Variants in ZNF395 observed in about 807,000 individuals in gnomAD.
The protein encoded by ZNF395 is zinc finger protein 395.
A neutral mutation model predicts 57.7 loss-of-function variants in ZNF395; 20 were observed. The observed-to-expected ratio is 0.35, with a 90% CI of 0.24 to 0.50. The LOEUF (loss-of-function observed/expected upper bound fraction) is 0.50, where lower values mean the gene tolerates loss of function less well. Among genes scored for constraint, ZNF395 ranks in the 20% least tolerant of loss-of-function variants. The probability of loss-of-function intolerance (pLI) is 0.97; values close to 1 mark genes in which losing one functional copy is unlikely to be tolerated. For synonymous variants in ZNF395, 295 were observed against 275.9 expected, an observed-to-expected ratio of 1.07 and a Z score of -0.69; for missense variants, 606 against 671.2, an observed-to-expected ratio of 0.90 and a Z score of 1.07.
At chr8:28,368,754 T>A (rs1478193486) in intron 1 of ZNF395, among the ~76,000 whole-genome samples, 2 of 150,692 alleles carry the variant, frequency 1.3e-5, no homozygotes, top group African/African-American at 4.9e-5. Context: ...CAGGTGCCAA[T>A]CCCAAGAGGA....
intron 2 of ZNF395, among the ~76,000 whole-genome samples, chr8:28,360,056 A>G (rs1437394557): frequency 3.3e-5 from 5 of 152,222 alleles, no homozygotes; most frequent in Non-Finnish European, 7.4e-5. Context: ...ACTGGCAGAC[A>G]GCAAACATGT....
chr8:28,359,587 C>G lies in ZNF395; in HGVS notation c.473+5G>C. Reference sequence around the variant, plus strand: ...TTAAAACCCAGTTTCTTCTCCCACACAAACCTCTTTGGGACATCGATGTTC... The same window carrying G: ...TTAAAACCCAGTTTCTTCTCCCACAGAAACCTCTTTGGGACATCGATGTTC... On this transcript the variant is annotated splice_donor_5th_base_variant and intron_variant, in intron 3 of 9. Coordinates refer to ENST00000344423, the MANE Select transcript of ZNF395 (RefSeq NM_018660.3). This position sits in a 1 kb window ranked among gnomAD's most constrained non-coding sequence, Gnocchi z 4.7. 6.3e-7 allele frequency: 1 copy of G among 1,583,544 alleles called. No homozygotes were observed. The highest frequency in any genetic ancestry group is 8.6e-7 in the Non-Finnish European group (1 of 1,161,596).
At chr8:28,350,581 G>T (rs1428602219) in intron 7 of ZNF395, among the ~76,000 whole-genome samples, 1 of 152,198 alleles carries the variant, frequency 6.6e-6, no homozygotes, top group Non-Finnish European at 1.5e-5. Context: ...GTGCTCATGG[G>T]TATCCAGGTT....
At position 28,361,154 on chromosome 8, in the gene ZNF395, A is replaced by G. The variant is rs1179884218; in HGVS notation, c.-30T>C. 6.2e-7 allele frequency: 1 copy of G among 1,608,816 alleles called. No individual in the cohort carries two copies. Among genetic ancestry groups the G allele is most frequent in the Non-Finnish European group, 8.5e-7 (1 of 1,179,996 alleles). On this transcript the variant is annotated 5_prime_UTR_variant, in exon 2 of 10. Coordinates refer to ENST00000344423, the MANE Select transcript of ZNF395 (RefSeq NM_018660.3). The stretch of plus-strand genomic sequence containing the variant: ...CTGCCTCTCCTCTCCTGCGGAGGCG[A>G]AGGGGACACTGAAGCCTCTGCCCAT...
rs761183099 is a variant in ZNF395 at position 28,359,569 on chromosome 8, C to T, written c.473+23G>A. Reference sequence around the variant, plus strand: ...ACACTACCCACGTGACTTTTAAAACCCAGTTTCTTCTCCCACACAAACCTC... The same window carrying T: ...ACACTACCCACGTGACTTTTAAAACTCAGTTTCTTCTCCCACACAAACCTC... On this transcript the variant is annotated intron_variant, in intron 3 of 9. Transcript: ENST00000344423. The surrounding 1 kb of genome is among the most constrained non-coding windows in gnomAD (Gnocchi z 4.7). 1.3e-6 allele frequency: 2 copies of T among 1,561,220 alleles called. No homozygotes were observed. Among genetic ancestry groups the T allele is most frequent in the Non-Finnish European group, 1.7e-6 (2 of 1,150,818 alleles).
chr8:28,384,470 C>T (rs1802146563), intron 1 of ZNF395, among the ~76,000 whole-genome samples: 1 of 152,216 alleles, frequency 6.6e-6, no homozygotes, highest in South Asian at 2.1e-4. Flanking sequence ...TTCTGCACCT[C>T]GCACTTTGAC....
At chr8:28,368,872 G>C (rs1294862876) in intron 1 of ZNF395, among the ~76,000 whole-genome samples, 3 of 151,904 alleles carry the variant, frequency 2.0e-5, no homozygotes, top group African/African-American at 7.3e-5. Context: ...GTCTCGCTCT[G>C]TCGACCAGGT....
chr8:28,385,039 G>A (rs1293998605), intron 1 of ZNF395: 1 of 152,296 alleles, frequency 6.6e-6, no homozygotes, highest in Non-Finnish European at 1.5e-5. Flanking sequence ...AACGCCTAGG[G>A]AGGGTGTCAA....
Position 28,360,998 on chromosome 8 carries a change from G to A in ZNF395, c.127C>T (p.Pro43Ser), listed in dbSNP as rs148927170. Residue 43 changes from proline to serine, a missense_variant, in exon 2 of 10, where the codon CCC (proline) becomes TCC (serine). Pro to Ser is a moderately conservative substitution (Grantham distance 74). Coordinates refer to ENST00000344423, the MANE Select transcript of ZNF395 (RefSeq NM_018660.3). Reference protein sequence around the residue: ...PSEPLLEGAAPQPFTTSDDTP... With the variant: ...PSEPLLEGAASQPFTTSDDTP... The stretch of plus-strand genomic sequence containing the variant: ...TCATCAGAGGTGGTGAAAGGCTGGG[G>A]AGCGGCCCCTTCTAGCAGTGGCTCC... 2.5e-5 allele frequency: 40 copies of A among 1,611,708 alleles called. No individual in the cohort carries two copies. In the African/African-American group the frequency reaches 2.7e-4, roughly 11 times the overall value.
rs2272748 is a variant in ZNF395, at chr8:28,356,608, C to G, written c.583+62G>C. The G allele has an allele frequency of 3.8e-6, 5 of 1,305,366 alleles. No individual in the cohort carries two copies. Among genetic ancestry groups the G allele is most frequent in the Non-Finnish European group, 4.4e-6 (4 of 913,736 alleles). 80.9% of individuals were successfully genotyped at this position (1,305,366 alleles called of 1,614,324 possible). On this transcript the variant is annotated intron_variant, in intron 4 of 9. Transcript: ENST00000344423. This position sits in a 1 kb window ranked among gnomAD's most constrained non-coding sequence, Gnocchi z 4.0. The stretch of plus-strand genomic sequence containing the variant: ...GACATAGGCAACTAGCTGCTCTGCA[C>G]AGAGGATGTTTGTCGTGGGCCTCTA...
chr8:28,351,318 AG>A (rs1801679235), intron 7 of ZNF395, 176 bp downstream of exon 7: 1 of 636,732 alleles, frequency 1.6e-6, no homozygotes, highest in African/African-American at 1.8e-5. Context: ...AGATAACTCC[AG>A]GAATTCCCAC....
intron 7 of ZNF395, among the ~76,000 whole-genome samples, chr8:28,350,799 A>C (rs904911815): frequency 3.9e-5 from 6 of 152,258 alleles, no homozygotes; most frequent in African/African-American, 1.4e-4. Flanking sequence ...TAGGCACAAA[A>C]GAATTTTAAG....
chr8:28,350,242 G>T, intron 7 of ZNF395, 86 bp from the exon 8 acceptor site: 1 of 1,131,140 alleles, frequency 8.8e-7, no homozygotes, highest in Non-Finnish European at 1.3e-6. Flanking sequence ...CATGACAGCA[G>T]CAGAAGGTGC....
At chr8:28,367,708 T>C (rs1239029036) in intron 1 of ZNF395, among the ~76,000 whole-genome samples, 1 of 152,152 alleles carries the variant, frequency 6.6e-6, no homozygotes, top group Non-Finnish European at 1.5e-5. Context: ...GGACACTCCT[T>C]GGCACATAGT....
At chr8:28,355,780 G>A (rs1801771608) in intron 4 of ZNF395, among the ~76,000 whole-genome samples, 1 of 152,206 alleles carries the variant, frequency 6.6e-6, no homozygotes. Context: ...TGGCAGCCTA[G>A]TCATTGACAG....
At position 28,346,902 on chromosome 8, in the gene ZNF395, G is replaced by C. The variant is rs1023831040; in HGVS notation, c.*1817C>G. ...GAGAGCCCTGCGCCACCTCAGGCTAGCCTGGCTTTGAGCTTTACCAAGAGA... is the reference window on the plus strand; with the variant it reads ...GAGAGCCCTGCGCCACCTCAGGCTACCCTGGCTTTGAGCTTTACCAAGAGA... On this transcript the variant is annotated 3_prime_UTR_variant, in exon 10 of 10. Coordinates refer to ENST00000344423, the MANE Select transcript of ZNF395 (RefSeq NM_018660.3). The C allele has an allele frequency of 6.6e-6, 1 of 151,890 alleles. No homozygotes were observed. Among genetic ancestry groups the C allele is most frequent in the African/African-American group, 2.4e-5 (1 of 41,350 alleles). 9.4% of individuals were successfully genotyped at this position (151,890 alleles called of 1,614,324 possible).
intron 4 of ZNF395, among the ~76,000 whole-genome samples, chr8:28,354,412 C>T (rs1271443834): frequency 2.0e-5 from 3 of 152,178 alleles, no homozygotes; most frequent in Admixed American, 1.3e-4. Flanking sequence ...CCAACAGGGG[C>T]GTTCCACAGA....
chr8:28,357,156 CGAAAT>C (rs1184540009), intron 3 of ZNF395, among the ~76,000 whole-genome samples: 2 of 152,070 alleles, frequency 1.3e-5, no homozygotes, highest in Admixed American at 6.6e-5. Context: ...AGGATAGACT[CGAAAT>C]GAACACGAGG....
intron 1 of ZNF395, among the ~76,000 whole-genome samples, chr8:28,369,586 T>C (rs1801953004): frequency 6.6e-6 from 1 of 152,210 alleles, no homozygotes; most frequent in Non-Finnish European, 1.5e-5. Context: ...CCCATGTGAC[T>C]AGGTGCCTGC....
Sources: allele counts gnomAD v4.1 joint callset (sites outside exome capture counted in the v4.1 genomes callset), GRCh38; gene constraint gnomAD v4.1.1; non-coding constraint Gnocchi (gnomAD v3.1); transcripts MANE v1.5; gene names NCBI Gene and HGNC (gene_info 2026-07-23, HGNC 2026-07-21).